MAGI2: variants seen among roughly 807,000 people sequenced by gnomAD.
The protein encoded by MAGI2 is membrane-associated guanylate kinase, WW and PDZ domain-containing protein 2.
In MAGI2, 35 loss-of-function variants were observed where a neutral mutation model predicts 133.3. The ratio of observed to expected loss-of-function variants is 0.26; its 90% CI spans 0.20 to 0.35. The LOEUF is 0.35. Among genes scored for constraint, MAGI2 ranks in the 10% least tolerant of loss-of-function variants. The pLI is 1.00. For missense variants in MAGI2, 1,636 were observed against 1,863.4 expected (o/e 0.88, Z 2.25); for synonymous variants, 729 against 710.6 (o/e 1.03, Z -0.41).
intron 2 of MAGI2, among the ~76,000 whole-genome samples, chr7:78,862,456 T>A (rs1794226065): frequency 6.6e-6 from 1 of 152,254 alleles, no homozygotes; most frequent in African/African-American, 2.4e-5. Flanking sequence ...GTCCTTCACA[T>A]TTCTTGTGAC....
intron 1 of MAGI2, among the ~76,000 whole-genome samples, chr7:79,077,328 C>A (rs1026921724): frequency 1.3e-5 from 2 of 151,514 alleles, no homozygotes; most frequent in East Asian, 1.9e-4. Flanking sequence ...AAGGCCGAGG[C>A]GGGCGGATCA....
At chr7:79,331,206 T>G (rs999601863) in intron 1 of MAGI2, among the ~76,000 whole-genome samples, 3 of 152,178 alleles carry the variant, frequency 2.0e-5, no homozygotes, top group Admixed American at 2.0e-4. Flanking sequence ...TTACTAAATT[T>G]AAAGGCTTTG....
chr7:78,762,196 C>A (rs1257302086), intron 2 of MAGI2, among the ~76,000 whole-genome samples: 11 of 104,114 alleles, frequency 1.1e-4, no homozygotes, highest in Admixed American at 5.9e-4. Context: ...GTAATCCCAG[C>A]ACTTTGGGAG....
intron 6 of MAGI2, among the ~76,000 whole-genome samples, chr7:78,402,276 T>C (rs1432450054): frequency 1.3e-5 from 2 of 149,766 alleles, no homozygotes; most frequent in Non-Finnish European, 3.0e-5. Context: ...TGTGTCCACC[T>C]GGGATGTGTA....
chr7:78,699,544 G>A (rs1817856636), intron 2 of MAGI2, among the ~76,000 whole-genome samples: 1 of 152,156 alleles, frequency 6.6e-6, no homozygotes, highest in African/African-American at 2.4e-5. Context: ...TGTATATGCA[G>A]ATATTCTAAA....
chr7:79,165,186 T>G (rs965021866), intron 1 of MAGI2, among the ~76,000 whole-genome samples: 7 of 151,800 alleles, frequency 4.6e-5, no homozygotes, highest in African/African-American at 1.7e-4. Flanking sequence ...TTTGTTTTTT[T>G]TTTTTAATTC....
chr7:78,179,580 T>C (rs1343696834), intron 13 of MAGI2, among the ~76,000 whole-genome samples: 1 of 152,234 alleles, frequency 6.6e-6, no homozygotes, highest in Non-Finnish European at 1.5e-5. Flanking sequence ...CTTAAGTACA[T>C]ATGTTTATAT....
intron 2 of MAGI2, among the ~76,000 whole-genome samples, chr7:78,889,979 G>A (rs1185333495): frequency 3.3e-5 from 5 of 152,136 alleles, no homozygotes; most frequent in Non-Finnish European, 1.5e-5. Context: ...GTATTCAGGA[G>A]ACCCATCTCA....
chr7:78,483,889 A>T (rs1175646066), intron 6 of MAGI2, among the ~76,000 whole-genome samples: 4 of 151,954 alleles, frequency 2.6e-5, no homozygotes, highest in African/African-American at 9.7e-5. Flanking sequence ...TGAATAGTTA[A>T]TACTGTTAGG....
chr7:78,990,760 A>G (rs1805679117), intron 2 of MAGI2, among the ~76,000 whole-genome samples: 2 of 152,104 alleles, frequency 1.3e-5, no homozygotes, highest in South Asian at 4.1e-4. Flanking sequence ...GATAGACCCA[A>G]GCTGCATTAA....
At chr7:79,376,958 GCTTGGTAGAGTCTA>G (rs1248754787) in intron 1 of MAGI2, among the ~76,000 whole-genome samples, 2 of 151,744 alleles carry the variant, frequency 1.3e-5, no homozygotes, top group Admixed American at 1.3e-4. Context: ...ATATTCTTCT[GCTTGGTAGAGTCTA>G]CTAGGACAGA....
intron 13 of MAGI2, among the ~76,000 whole-genome samples, chr7:78,179,972 G>T (rs550595797): frequency 6.6e-6 from 1 of 152,292 alleles, no homozygotes; most frequent in South Asian, 2.1e-4. Flanking sequence ...GCAGGTATCT[G>T]TACTCCTCCC....
chr7:78,129,277 T>C (rs1416933590), intron 18 of MAGI2, among the ~76,000 whole-genome samples: 1 of 152,186 alleles, frequency 6.6e-6, no homozygotes, highest in Non-Finnish European at 1.5e-5. Context: ...GTGTCGTGTG[T>C]CAGGATTTTA....
At chr7:78,678,396 A>T (rs73380238) in intron 2 of MAGI2, among the ~76,000 whole-genome samples, 9,182 of 152,122 alleles carry the variant, frequency 0.06, 331 homozygotes, top group East Asian at 0.14. Flanking sequence ...CTTCCCCTTT[A>T]TCCCCAGAGT....
At chr7:78,738,393 A>T (rs886184799) in intron 2 of MAGI2, among the ~76,000 whole-genome samples, 1 of 152,090 alleles carries the variant, frequency 6.6e-6, no homozygotes, top group Non-Finnish European at 1.5e-5. Context: ...ATTTCTACAG[A>T]TATAATTCTA....
chr7:78,714,474 C>T (rs190125217), intron 2 of MAGI2, among the ~76,000 whole-genome samples: 17 of 152,224 alleles, frequency 1.1e-4, no homozygotes, highest in African/African-American at 3.6e-4. Flanking sequence ...GTGTTCTCCC[C>T]CACCTTCCAT....
At chr7:79,192,765 T>C (rs1000097468) in intron 1 of MAGI2, among the ~76,000 whole-genome samples, 1 of 151,846 alleles carries the variant, frequency 6.6e-6, no homozygotes, top group African/African-American at 2.4e-5. Context: ...AGTGAAGAGT[T>C]TGGATTTTAT....
intron 1 of MAGI2, among the ~76,000 whole-genome samples, chr7:79,075,205 G>A (rs1373756249): frequency 6.6e-6 from 1 of 151,958 alleles, no homozygotes; most frequent in Non-Finnish European, 1.5e-5. Flanking sequence ...ATGTCTTATT[G>A]ACCAGAGCTG....
intron 1 of MAGI2, among the ~76,000 whole-genome samples, chr7:79,023,494 G>T (rs1809551320): frequency 1.3e-5 from 2 of 152,180 alleles, no homozygotes; most frequent in East Asian, 1.9e-4. Flanking sequence ...GAGAAATCTG[G>T]CAAGAGAAAG....
Sources: allele counts gnomAD v4.1 joint callset (sites outside exome capture counted in the v4.1 genomes callset), GRCh38; gene constraint gnomAD v4.1.1; transcripts MANE v1.5; gene names NCBI Gene and HGNC (gene_info 2026-07-23, HGNC 2026-07-21).